The following SANBR variants were observed in gnomAD, a reference collection of about 807,000 sequenced individuals.
The protein encoded by SANBR is SANT and BTB domain regulator of class switch recombination.
Under a neutral mutation model 101.8 loss-of-function variants are expected in SANBR, and 77 were observed. That is an observed-to-expected ratio of 0.76 (90% CI 0.63 to 0.91). The LOEUF (loss-of-function observed/expected upper bound fraction) is 0.91. Among genes scored for constraint, SANBR ranks in the 40% least tolerant of loss-of-function variants. The pLI is 0.00. For synonymous variants in SANBR, 279 were observed against 274.7 expected (o/e 1.02, Z -0.15); for missense variants, 875 against 853.0 (o/e 1.03, Z -0.32).
intron 14 of SANBR, among the ~76,000 whole-genome samples, chr2:61,107,841 G>A (rs1047998001): frequency 1.3e-5 from 2 of 150,572 alleles, no homozygotes; most frequent in East Asian, 2.0e-4. Flanking sequence ...AGTGGAGATC[G>A]TGTCACTGCA....
chr2:61,069,761 A>G (rs76965739), intron 2 of SANBR: 2,911 of 152,440 alleles, frequency 0.019, 36 homozygotes, highest in East Asian at 0.026. Context: ...GTTTGAATGC[A>G]TAGTTTCTTT....
intron 8 of SANBR, among the ~76,000 whole-genome samples, chr2:61,084,826 G>A (rs1054510927): frequency 5.9e-5 from 9 of 152,130 alleles, no homozygotes; most frequent in Non-Finnish European, 1.2e-4. Flanking sequence ...AAGTGAAAGG[G>A]TTTGCACTAG....
chr2:61,135,018 C>T (rs1358460620), intron 21 of SANBR, among the ~76,000 whole-genome samples: 3 of 152,050 alleles, frequency 2.0e-5, no homozygotes, highest in Admixed American at 6.6e-5. Context: ...GGTGAAACTC[C>T]GTCTCTACTA....
chr2:61,118,353 T>C (rs1684176985), intron 20 of SANBR, among the ~76,000 whole-genome samples: 1 of 152,060 alleles, frequency 6.6e-6, no homozygotes, highest in Non-Finnish European at 1.5e-5. Flanking sequence ...GCAATTCTCC[T>C]CCCTCAGCCT....
rs566576481 is a variant in SANBR at position 61,092,598 on chromosome 2, T to C, written c.1212+11T>C. 1 of 1,570,978 alleles carries C rather than the reference T, an allele frequency of 6.4e-7. No homozygotes were observed. The highest frequency in any genetic ancestry group is 2.0e-5 in the Admixed American group (1 of 49,370). ...TCAAGATGTTATCAGGTAAGATTTT[T>C]TTTTTTAAATATCCTGCTCTGCAAA... On this transcript the variant is annotated intron_variant, in intron 11 of 21. Coordinates refer to ENST00000402291, the MANE Select transcript of SANBR (RefSeq NM_001129993.3).
At chr2:61,134,419 A>C (rs1333483919) in intron 21 of SANBR, 1 of 781,430 alleles carries the variant, frequency 1.3e-6, no homozygotes, top group Non-Finnish European at 2.0e-6. Context: ...CTGCCTATTG[A>C]AATTGTTCCC....
In SANBR at chr2:61,109,289, G is replaced by A. The variant is rs1414839806; in HGVS notation, c.1737G>A (p.Lys579=). Reference sequence around the variant, plus strand: ...TTGGAGATGAAGAAGAAGTATCCAAGAAACAAAGTATTGGTTTATAAGTTA... The same window carrying A: ...TTGGAGATGAAGAAGAAGTATCCAAAAAACAAAGTATTGGTTTATAAGTTA... ...DEVGDEEEVS[K]KQRKKEKPKK... The change falls in exon 16 of 22, where the codon AAG becomes AAA. Residue 579 remains lysine, a synonymous_variant. Coordinates refer to ENST00000402291, the MANE Select transcript of SANBR (RefSeq NM_001129993.3). 2 of 1,541,910 alleles carry A rather than the reference G, an allele frequency of 1.3e-6. No homozygotes were observed. Among genetic ancestry groups the A allele is most frequent in the Middle Eastern group, 1.7e-4 (1 of 5,872 alleles).
At chr2:61,133,042 G>A (rs140351005) in intron 20 of SANBR, among the ~76,000 whole-genome samples, 12 of 151,176 alleles carry the variant, frequency 7.9e-5, no homozygotes, top group South Asian at 2.1e-4. Flanking sequence ...ACTTGAGGTC[G>A]GGAGGTCAAG....
chr2:61,106,633 T>G lies in SANBR; in HGVS notation c.1582T>G (p.Trp528Gly), dbSNP rs370493951. 18 of 1,597,162 alleles carry G rather than the reference T, an allele frequency of 1.1e-5. No individual in the cohort carries two copies. Among genetic ancestry groups the G allele is most frequent in the Non-Finnish European group, 1.5e-5 (18 of 1,174,604 alleles). The change falls in exon 14 of 22, where the codon TGG (tryptophan) becomes GGG (glycine). Residue 528 changes from tryptophan (W) to glycine (G), a missense_variant. Physicochemically the swap from Trp to Gly is radical, Grantham distance 184. Transcript: ENST00000402291. ...TGTTTTACTGGAGCCAAATACACCA[T>G]GGGGTCCCAAAACTGGGGAGCTCAA... Reference protein sequence around the residue: ...CDVLLEPNTPWGPKTGELNAF... With the variant: ...CDVLLEPNTPGGPKTGELNAF...
intron 4 of SANBR, among the ~76,000 whole-genome samples, chr2:61,072,155 T>C (rs919192132): frequency 3.9e-5 from 6 of 151,928 alleles, no homozygotes; most frequent in Admixed American, 3.9e-4. Context: ...CCCAGGCTGG[T>C]CTGGAACTCC....
At chr2:61,120,352 T>A (rs750465201) in intron 20 of SANBR, among the ~76,000 whole-genome samples, 1 of 152,078 alleles carries the variant, frequency 6.6e-6, no homozygotes, top group Non-Finnish European at 1.5e-5. Context: ...ATACAAAAAT[T>A]AGCTGGGCGT....
At chr2:61,095,870 A>C (rs1683006070) in intron 11 of SANBR, among the ~76,000 whole-genome samples, 2 of 152,090 alleles carry the variant, frequency 1.3e-5, no homozygotes, top group Non-Finnish European at 2.9e-5. Context: ...TCACTTTTTC[A>C]CCTTTTCTGG....
chr2:61,127,981 CCTTA>C (rs1472855616), downstream of SANBR, among the ~76,000 whole-genome samples: 1 of 152,110 alleles, frequency 6.6e-6, no homozygotes, highest in Non-Finnish European at 1.5e-5. Context: ...AGAGAAAAAT[CCTTA>C]CTTATGGCCC....
chr2:61,121,439 A>T, intron 21 of SANBR, 163 bp downstream of exon 21: 1 of 483,036 alleles, frequency 2.1e-6, no homozygotes, highest in Non-Finnish European at 3.8e-6. Context: ...ATTTTAACTT[A>T]AAAGATAAAA....
At chr2:61,099,903 G>A (rs947811813) in intron 12 of SANBR, among the ~76,000 whole-genome samples, 2 of 152,092 alleles carry the variant, frequency 1.3e-5, no homozygotes, top group Non-Finnish European at 2.9e-5. Context: ...TGTGTCCTTT[G>A]GCCTTAGTGA....
In SANBR at chr2:61,103,868, G is replaced by T; in HGVS notation, c.1381G>T (p.Asp461Tyr). The T allele has an allele frequency of 1.9e-6, 3 of 1,614,152 alleles. No homozygotes were observed. The highest frequency in any genetic ancestry group is 2.2e-5 in the East Asian group (1 of 44,884). ...TATGTGACAGGGCTGTAAAGTGAGG[G>T]ACCACATGGTTACACTTCGTGATCA... is the stretch of plus-strand genomic sequence containing the variant. ...TQLTKGCKVR[D>Y]HMVTLRDQGE... Residue 461 changes from aspartate to tyrosine, a missense_variant, in exon 13 of 22, where the codon GAC becomes TAC. Physicochemically the swap from Asp to Tyr is radical, Grantham distance 160. Coordinates refer to ENST00000402291, the MANE Select transcript of SANBR (RefSeq NM_001129993.3).
At chr2:61,113,934 G>C (rs539578934) in intron 16 of SANBR, among the ~76,000 whole-genome samples, 4 of 152,266 alleles carry the variant, frequency 2.6e-5, no homozygotes, top group East Asian at 3.9e-4. Context: ...ATTTTGCTGA[G>C]TTTTTATAGC....
Position 61,123,453 on chromosome 2 carries a change from G to A in SANBR, c.*1291G>A. The stretch of plus-strand genomic sequence containing the variant: ...GATAACTGGCTTTGCCAAGGTTTTT[G>A]AACTGCTGTTTAGAAATTTTGTTCC... On this transcript the variant is annotated 3_prime_UTR_variant, in exon 22 of 22. Transcript: ENST00000402291. 1 of 983,024 alleles carries A rather than the reference G, an allele frequency of 1.0e-6. No homozygotes were observed. Among genetic ancestry groups the A allele is most frequent in the South Asian group, 4.7e-5 (1 of 21,252 alleles). The allele number at this position is 983,024 out of a possible 1,614,324, so 60.9% of individuals were successfully genotyped here. A position where few individuals can be genotyped will look rare whatever the true frequency, so the allele number is the denominator to read the frequency against.
intron 21 of SANBR, among the ~76,000 whole-genome samples, chr2:61,134,850 C>G (rs527257409): frequency 6.6e-6 from 1 of 151,912 alleles, no homozygotes; most frequent in South Asian, 2.1e-4. Context: ...GCTGAGATCG[C>G]GCCACTGCAC....
Sources: allele counts gnomAD v4.1 joint callset (sites outside exome capture counted in the v4.1 genomes callset), GRCh38; gene constraint gnomAD v4.1.1; transcripts MANE v1.5; gene names NCBI Gene and HGNC (gene_info 2026-07-23, HGNC 2026-07-21).